Variants in CARD14 observed in about 807,000 individuals in gnomAD.
The protein encoded by CARD14 is caspase recruitment domain-containing protein 14.
Under a neutral mutation model 111.5 loss-of-function variants are expected in CARD14, and 107 were observed. That is an observed-to-expected ratio of 0.96 (90% CI 0.82 to 1.13). The LOEUF (loss-of-function observed/expected upper bound fraction) is 1.13, where lower values mean the gene tolerates loss of function less well. Among genes scored for constraint, CARD14 ranks in the 50% most tolerant of loss-of-function variants. The probability of loss-of-function intolerance (pLI) is 0.00; values close to 1 mark genes in which losing one functional copy is unlikely to be tolerated. For synonymous variants in CARD14, 617 were observed against 579.6 expected (o/e 1.06, Z -0.93); for missense variants, 1,322 against 1,362.3 (o/e 0.97, Z 0.47).
intron 1 of CARD14, 176 bp downstream of exon 1, chr17:80,170,232 A>G (rs12451566): frequency 0.29 from 44,490 of 151,960 alleles, 6,648 homozygotes; most frequent in Middle Eastern, 0.34. Flanking sequence ...GGACTAGAGA[A>G]CAGAAAACGG....
rs753226666 is a variant in CARD14 at position 80,191,341 on chromosome 17, A to G, written c.1108A>G (p.Ser370Gly). 2 of 1,613,662 alleles carry G rather than the reference A, an allele frequency of 1.2e-6. No homozygotes were observed. Among genetic ancestry groups the G allele is most frequent in the South Asian group, 1.1e-5 (1 of 91,078 alleles). Residue 370 changes from serine to glycine, a missense_variant, in exon 11 of 24, where the codon AGT (serine) becomes GGT (glycine). Coordinates refer to ENST00000648509, the MANE Select transcript of CARD14 (RefSeq NM_001366385.1). ...CCCACAGGCGTACTCCGCGAGGGAC[A>G]GTGCTCAGAGGGAGATTTCCCAGAG... The part of the protein sequence containing the change: ...ERDQAYSARD[S>G]AQREISQSLV...
chr17:80,196,861 G>A (rs1163689507), intron 14 of CARD14: 1 of 148,694 alleles, frequency 6.7e-6, no homozygotes, highest in Non-Finnish European at 1.5e-5. Context: ...ATGCAGGCCT[G>A]TGTGGAAATG....
intron 10 of CARD14, 96 bp from the exon 11 acceptor site, chr17:80,191,227 T>C: frequency 6.9e-7 from 1 of 1,449,916 alleles, no homozygotes; most frequent in Non-Finnish European, 9.5e-7. Flanking sequence ...TTAGTGGATG[T>C]CAGATGAGCG....
At chr17:80,206,893 C>G in intron 22 of CARD14, 77 bp from the exon 23 acceptor site, 1 of 1,043,660 alleles carries the variant, frequency 9.6e-7, no homozygotes, top group Non-Finnish European at 1.4e-6. Flanking sequence ...GAGGGCCCTT[C>G]TGACCTGGGC....
chr17:80,185,508 G>A (rs1461781036), intron 7 of CARD14, among the ~76,000 whole-genome samples: 3 of 151,794 alleles, frequency 2.0e-5, no homozygotes, highest in East Asian at 3.9e-4. Context: ...TTACTCTCTC[G>A]TGGCCCTTTA....
chr17:80,187,923 G>C (rs1385206508), intron 7 of CARD14: 1 of 985,758 alleles, frequency 1.0e-6, no homozygotes, highest in Non-Finnish European at 1.2e-6. Context: ...CGCGTTCCCA[G>C]GCACGTCTAC....
rs371741250 is a variant in CARD14 at position 80,189,834 on chromosome 17, C to G, written c.925C>G (p.Arg309Gly). 3 of 1,587,664 alleles carry G rather than the reference C, an allele frequency of 1.9e-6. No homozygotes were observed. The highest frequency in any genetic ancestry group is 2.6e-6 in the Non-Finnish European group (3 of 1,171,150). The change falls in exon 9 of 24, where the codon CGG becomes GGG. Residue 309 changes from arginine to glycine, a missense_variant. Coordinates refer to ENST00000648509, the MANE Select transcript of CARD14 (RefSeq NM_001366385.1). This position sits in a 1 kb window ranked among gnomAD's most constrained non-coding sequence, Gnocchi z 4.7. ...GCTGGTGGAGCGCATCCACTCGCTG[C>G]GGGAGCGGGCCGTGGCTGCCGAGAG... ...QELVERIHSL[R>G]ERAVAAERQR...
At position 80,192,533 on chromosome 17, in the gene CARD14, T is replaced by C. The variant is rs567958673; in HGVS notation, c.1270T>C (p.Cys424Arg). 1.7e-5 allele frequency: 27 copies of C among 1,613,742 alleles called. No homozygotes were observed. The highest frequency in any genetic ancestry group is 2.2e-5 in the Non-Finnish European group (26 of 1,179,932). ...LKQEARTREP[C>R]PREKQRLVRM... ...GCAGGAAGCCAGGACCAGGGAGCCCTGTCCACGGGAGAAGCAGCGGCTGGT... is the reference window on the plus strand; with the variant it reads ...GCAGGAAGCCAGGACCAGGGAGCCCCGTCCACGGGAGAAGCAGCGGCTGGT... Residue 424 changes from cysteine to arginine, a missense_variant, in exon 12 of 24, where the codon TGT (cysteine) becomes CGT (arginine). Transcript: ENST00000648509.
At chr17:80,204,427 CA>C (rs1277527935) in intron 20 of CARD14, 86 bp downstream of exon 20, 22 of 1,296,712 alleles carry the variant, frequency 1.7e-5, no homozygotes, top group Non-Finnish European at 2.2e-5. Context: ...TCAGCTGGGG[CA>C]GGGGGATGCC....
Position 80,203,746 on chromosome 17 carries a change from T to C in CARD14, c.2220-76T>C. On this transcript the variant is annotated intron_variant, in intron 18 of 23. Coordinates refer to ENST00000648509, the MANE Select transcript of CARD14 (RefSeq NM_001366385.1). This position sits in a 1 kb window ranked among gnomAD's most constrained non-coding sequence, Gnocchi z 4.6. The stretch of plus-strand genomic sequence containing the variant: ...TCCCACCCGGCCATCTCCCCCACTC[T>C]CCCCTGCTCGGCTCTCCCCTGCCCT... The C allele has an allele frequency of 8.7e-7, 1 of 1,146,504 alleles. No homozygotes were observed. Among genetic ancestry groups the C allele is most frequent in the Non-Finnish European group, 1.3e-6 (1 of 794,582 alleles). 71.0% of individuals were successfully genotyped at this position (1,146,504 alleles called of 1,614,324 possible).
At chr17:80,197,667 G>A (rs1452023352) in intron 14 of CARD14, 1 of 217,270 alleles carries the variant, frequency 4.6e-6, no homozygotes, top group Non-Finnish European at 9.5e-6. Flanking sequence ...AGGTCAGTGC[G>A]GAAATGCAGC....
chr17:80,189,114 G>GC lies in CARD14; in HGVS notation c.843+571dup, dbSNP rs1432323779. 6.6e-6 allele frequency among the ~76,000 whole-genome samples: 1 copy of GC among 152,208 alleles called. No individual in the cohort carries two copies. Among genetic ancestry groups the GC allele is most frequent in the Non-Finnish European group, 1.5e-5 (1 of 68,048 alleles). On this transcript the variant is annotated intron_variant, in intron 8 of 23. Transcript: ENST00000648509. The surrounding 1 kb of genome is among the most constrained non-coding windows in gnomAD (Gnocchi z 4.7). ...TGCCCGACTTGGTGGGTTTACTGCAGCGACTGTGTTCTGGAGTGGACTTGG... is the reference window on the plus strand; with the variant it reads ...TGCCCGACTTGGTGGGTTTACTGCAGCCGACTGTGTTCTGGAGTGGACTTGG...
Position 80,205,767 on chromosome 17 carries a change from C to T in CARD14, c.2691+115C>T, listed in dbSNP as rs74000615. The T allele has an allele frequency of 0.027, 30,981 of 1,149,178 alleles. 576 individuals are homozygous for T. The highest frequency in any genetic ancestry group is 0.064 in the African/African-American group (4,069 of 63,764). The allele number at this position is 1,149,178 out of a possible 1,614,324, so 71.2% of individuals were successfully genotyped here. ...CGACCTGAGACCTGGGTGACCTTGT[C>T]GCCGACCTCTGGGTCCCAACAGCCC... On this transcript the variant is annotated intron_variant, in intron 22 of 23. Coordinates refer to ENST00000648509, the MANE Select transcript of CARD14 (RefSeq NM_001366385.1).
At chr17:80,177,530 T>A (rs1460208770) in intron 2 of CARD14, among the ~76,000 whole-genome samples, 1 of 152,060 alleles carries the variant, frequency 6.6e-6, no homozygotes, top group Non-Finnish European at 1.5e-5. Context: ...ACCTTGTCTC[T>A]ACTAAAAATA....
At chr17:80,186,119 G>C (rs1406695728) in intron 7 of CARD14, among the ~76,000 whole-genome samples, 2 of 152,204 alleles carry the variant, frequency 1.3e-5, no homozygotes, top group Admixed American at 1.3e-4. Flanking sequence ...TGACTCTGGC[G>C]GGAGCTGGCC....
Position 80,203,514 on chromosome 17 carries a change from T to C in CARD14, c.2220-308T>C, listed in dbSNP as rs2041103799. The C allele has an allele frequency of 3.6e-5, 11 of 301,944 alleles. No individual in the cohort carries two copies. The highest frequency in any genetic ancestry group is 3.1e-4 in the Admixed American group (6 of 19,626). The allele number at this position is 301,944 out of a possible 1,614,324, so 18.7% of individuals were successfully genotyped here. A position where few individuals can be genotyped will look rare whatever the true frequency, so the allele number is the denominator to read the frequency against. ...CTGCAGGCCAGGGACCCACCATGAA[T>C]ATTGAGGTCCTGGAGTGGGGCCCTG... On this transcript the variant is annotated intron_variant, in intron 18 of 23. Coordinates refer to ENST00000648509, the MANE Select transcript of CARD14 (RefSeq NM_001366385.1). This position sits in a 1 kb window ranked among gnomAD's most constrained non-coding sequence, Gnocchi z 4.6.
intron 6 of CARD14, 142 bp from the exon 7 acceptor site, chr17:80,183,771 C>T (rs2040246941): frequency 2.2e-6 from 1 of 459,954 alleles, no homozygotes; most frequent in Non-Finnish European, 3.6e-6. Flanking sequence ...TGCCCACATG[C>T]TCACCCGCCC....
Position 80,172,872 on chromosome 17 carries a change from CTTTTTTTTTTTTTT to C in CARD14, c.-689-21_-689-8del, listed in dbSNP as rs55912754. On this transcript the variant is annotated intron_variant, in intron 1 of 23. Transcript: ENST00000648509. ...CCCATACTTGCTTATTCTAAACATT[CTTTTTTTTTTTTTT>C]TTTTTTTTTTTTGAGGTAGAGTTTC... 1 of 70,752 alleles carries C rather than the reference CTTTTTTTTTTTTTT, an allele frequency of 1.4e-5. No homozygotes were observed. The highest frequency in any genetic ancestry group is 2.6e-5 in the Non-Finnish European group (1 of 38,698). 4.4% of individuals were successfully genotyped at this position (70,752 alleles called of 1,614,324 possible). A position where few individuals can be genotyped will look rare whatever the true frequency, so the allele number is the denominator to read the frequency against.
Position 80,198,276 on chromosome 17 carries a change from A to G in CARD14, c.1658+114A>G. On this transcript the variant is annotated intron_variant, in intron 15 of 23. Coordinates refer to ENST00000648509, the MANE Select transcript of CARD14 (RefSeq NM_001366385.1). The surrounding 1 kb of genome is among the most constrained non-coding windows in gnomAD (Gnocchi z 7.5). ...GGGAGGCAACAGCCTTTCCAAGCAC[A>G]TGGGGCCATGGAGGGGGAGGAGAAT... 2 of 1,562,564 alleles carry G rather than the reference A, an allele frequency of 1.3e-6. No individual in the cohort carries two copies. Among genetic ancestry groups the G allele is most frequent in the Non-Finnish European group, 1.8e-6 (2 of 1,140,934 alleles).
Sources: allele counts gnomAD v4.1 joint callset (sites outside exome capture counted in the v4.1 genomes callset), GRCh38; gene constraint gnomAD v4.1.1; non-coding constraint Gnocchi (gnomAD v3.1); transcripts MANE v1.5; gene names NCBI Gene and HGNC (gene_info 2026-07-23, HGNC 2026-07-21).